Variants in DFFA observed in about 807,000 individuals in gnomAD.
The protein encoded by DFFA is DFF45.
A neutral mutation model predicts 28.0 loss-of-function variants in DFFA; 14 were observed. The observed-to-expected ratio is 0.50, with a 90% CI of 0.33 to 0.78. DFFA has a LOEUF of 0.78. Ranked by LOEUF, DFFA falls within the 30% of genes least tolerant of loss-of-function variation. The pLI, the probability that DFFA is intolerant of heterozygous loss-of-function variation, is 0.02. For missense variants in DFFA, 395 were observed against 407.1 expected, an observed-to-expected ratio of 0.97 and a Z score of 0.26; for synonymous variants, 158 against 170.3, an observed-to-expected ratio of 0.93 and a Z score of 0.56.
rs148645727 is a variant in DFFA at position 10,463,506 on chromosome 1, G to A, written c.556C>T (p.Arg186Cys). The A allele has an allele frequency of 1.4e-4, 221 of 1,614,068 alleles. 1 individual carries two copies. The highest frequency in any genetic ancestry group is 9.8e-4 in the South Asian group (89 of 91,072). Residue 186 changes from arginine to cysteine, a missense_variant, in exon 4 of 6, where the codon CGT (arginine) becomes TGT (cysteine). Coordinates refer to ENST00000377038, the MANE Select transcript of DFFA (RefSeq NM_004401.3). ...QQVLDQREEV[R>C]QSKQLLQLYL... Reference sequence around the variant, plus strand: ...AGCTGCAGGAGCTGCTTGGACTGACGCACTTCCTCTCTTTGGTCAAGCACC... The same window carrying A: ...AGCTGCAGGAGCTGCTTGGACTGACACACTTCCTCTCTTTGGTCAAGCACC...
In DFFA at chr1:10,467,251, A is replaced by T. The variant is rs752249326; in HGVS notation, c.380T>A (p.Val127Glu). The T allele has an allele frequency of 6.2e-7, 1 of 1,614,136 alleles. No individual in the cohort carries two copies. The highest frequency in any genetic ancestry group is 1.1e-5 in the South Asian group (1 of 91,086). ...CAGATCTTCTTTCAGCTGCCTGGCC[A>T]CATTCTTCCACTTCAACCCTGCCCC... ...DSGAGLKWKNVARQLKEDLSS... is the reference protein window; with the variant it reads ...DSGAGLKWKNEARQLKEDLSS... Residue 127 changes from valine (V) to glutamate (E), a missense_variant, in exon 3 of 6, where the codon GTG becomes GAG. Transcript: ENST00000377038.
chr1:10,469,964 G>A (rs1286697466), intron 1 of DFFA, among the ~76,000 whole-genome samples: 3 of 150,904 alleles, frequency 2.0e-5, no homozygotes, highest in Admixed American at 1.3e-4. Flanking sequence ...TACAGGCACC[G>A]GCCACCGTGC....
chr1:10,464,302 C>T (rs1336182522), intron 3 of DFFA, among the ~76,000 whole-genome samples: 1 of 151,534 alleles, frequency 6.6e-6, no homozygotes, highest in Non-Finnish European at 1.5e-5. Context: ...CCGTGTTAGC[C>T]AGGATGGTCT....
At chr1:10,469,676 A>G (rs1445454285) in intron 1 of DFFA, among the ~76,000 whole-genome samples, 1 of 151,986 alleles carries the variant, frequency 6.6e-6, no homozygotes, top group Admixed American at 6.6e-5. Context: ...GTGCACCACC[A>G]TGTCCGGCTA....
intron 3 of DFFA, among the ~76,000 whole-genome samples, chr1:10,465,914 C>T (rs1226335198): frequency 1.3e-5 from 2 of 151,644 alleles, no homozygotes; most frequent in East Asian, 3.9e-4. Flanking sequence ...GCAATCTGCT[C>T]ACCTTGGCCT....
rs776604487 is a variant in DFFA, at chr1:10,472,412, C to G, written c.47G>C (p.Arg16Pro). Reference sequence around the variant, plus strand: ...GCGCAGCAGACACGGCTTTAGAGTCCGGATCTCGCCAGATTCTGGTACCCC... The same window carrying G: ...GCGCAGCAGACACGGCTTTAGAGTCGGGATCTCGCCAGATTCTGGTACCCC... ...DAGVPESGEI[R>P]TLKPCLLRRN... is the part of the protein sequence containing the mutation. Residue 16 changes from arginine to proline, a missense_variant, in exon 1 of 6, where the codon CGG (arginine) becomes CCG (proline). By Grantham distance (103) the Arg-to-Pro change is moderately radical. Transcript: ENST00000377038. This position sits in a 1 kb window ranked among gnomAD's most constrained non-coding sequence, Gnocchi z 5.0. 1.2e-6 allele frequency: 2 copies of G among 1,612,252 alleles called. No individual in the cohort carries two copies. The highest frequency in any genetic ancestry group is 2.2e-5 in the South Asian group (2 of 90,814).
Position 10,461,315 on chromosome 1 carries a change from G to C in DFFA, c.*175C>G. ...AAAATTGGCAGAAGTCCTGAAGCTGGTGGGGCTAAAAAAAAAATTGGTGGA... is the reference window on the plus strand; with the variant it reads ...AAAATTGGCAGAAGTCCTGAAGCTGCTGGGGCTAAAAAAAAAATTGGTGGA... On this transcript the variant is annotated 3_prime_UTR_variant, in exon 6 of 6. Transcript: ENST00000377038. 10 of 1,048,770 alleles carry C rather than the reference G, an allele frequency of 9.5e-6. No homozygotes were observed. Among genetic ancestry groups the C allele is most frequent in the Non-Finnish European group, 1.3e-5 (10 of 750,522 alleles). 65.0% of individuals were successfully genotyped at this position (1,048,770 alleles called of 1,614,324 possible).
Position 10,469,344 on chromosome 1 carries a change from A to G in DFFA, c.137-6T>C. 1 of 1,612,666 alleles carries G rather than the reference A, an allele frequency of 6.2e-7. No individual in the cohort carries two copies. The highest frequency in any genetic ancestry group is 8.5e-7 in the Non-Finnish European group (1 of 1,179,556). On this transcript the variant is annotated splice_region_variant and splice_polypyrimidine_tract_variant and intron_variant, in intron 1 of 5. Transcript: ENST00000377038. ...AATGGCCAGAATGTCACAGGCTGAA[A>G]AGAATAAAATATTTGGCAAATGACA...
chr1:10,463,516 T>C lies in DFFA; in HGVS notation c.546A>G (p.Arg182=). 1 of 1,614,148 alleles carries C rather than the reference T, an allele frequency of 6.2e-7. No individual in the cohort carries two copies. The highest frequency in any genetic ancestry group is 8.5e-7 in the Non-Finnish European group (1 of 1,180,036). ...GCTGCTTGGACTGACGCACTTCCTC[T>C]CTTTGGTCAAGCACCTGTTGGAGTG... ...QHTLQQVLDQ[R]EEVRQSKQLL... The change falls in exon 4 of 6, where the codon AGA becomes AGG. Residue 182 remains arginine (R), a synonymous_variant. Transcript: ENST00000377038.
At position 10,472,189 on chromosome 1, in the gene DFFA, A is replaced by AC; in HGVS notation, c.136+133dup. 1 of 1,122,082 alleles carries AC rather than the reference A, an allele frequency of 8.9e-7. No individual in the cohort carries two copies. The allele number at this position is 1,122,082 out of a possible 1,614,324, so 69.5% of individuals were successfully genotyped here. ...TCTGTAAATCGCTATGCCCACTCGGACCGTTTCTGTCCCAAGCCTCCACCC... is the reference window on the plus strand; with the variant it reads ...TCTGTAAATCGCTATGCCCACTCGGACCCGTTTCTGTCCCAAGCCTCCACCC... On this transcript the variant is annotated intron_variant, in intron 1 of 5. Transcript: ENST00000377038. This position sits in a 1 kb window ranked among gnomAD's most constrained non-coding sequence, Gnocchi z 5.0.
intron 5 of DFFA, chr1:10,461,921 C>A (rs990602873): frequency 2.2e-6 from 2 of 928,912 alleles, no homozygotes; most frequent in African/African-American, 3.6e-5. Flanking sequence ...GTGACACTAT[C>A]TCGGCTCCCT....
chr1:10,461,366 G>A lies in DFFA; in HGVS notation c.*124C>T, dbSNP rs1271659976. 1.5e-5 allele frequency: 21 copies of A among 1,433,476 alleles called. No homozygotes were observed. Among genetic ancestry groups the A allele is most frequent in the Middle Eastern group, 2.2e-4 (1 of 4,510 alleles). 88.8% of individuals were successfully genotyped at this position (1,433,476 alleles called of 1,614,324 possible). A position where few individuals can be genotyped will look rare whatever the true frequency, so the allele number is the denominator to read the frequency against. On this transcript the variant is annotated 3_prime_UTR_variant, in exon 6 of 6. Coordinates refer to ENST00000377038, the MANE Select transcript of DFFA (RefSeq NM_004401.3). The stretch of plus-strand genomic sequence containing the variant: ...ACGGCGTATGTTGAGACCTGGAATA[G>A]CTTCTCTGGAAGGTGCTCTAAGGCA...
At chr1:10,471,952 C>T (rs1263182182) in intron 1 of DFFA, among the ~76,000 whole-genome samples, 2 of 152,156 alleles carry the variant, frequency 1.3e-5, no homozygotes, top group East Asian at 3.8e-4. Flanking sequence ...GGAAACCCCT[C>T]CCCACACCGC....
At chr1:10,462,958 C>A in intron 5 of DFFA, 100 bp downstream of exon 5, 1 of 1,568,562 alleles carries the variant, frequency 6.4e-7, no homozygotes. Flanking sequence ...GATTCACAGT[C>A]TGCAGAGGTG....
intron 5 of DFFA, chr1:10,462,807 A>G: frequency 7.4e-7 from 1 of 1,352,760 alleles, no homozygotes; most frequent in East Asian, 2.9e-5. Context: ...TGTCAGGAAC[A>G]GTCATTTCAT....
chr1:10,472,505 C>G lies in DFFA; in HGVS notation c.-47G>C. Reference sequence around the variant, plus strand: ...CCACCTTCGAGAAGTCGCGGGAGGCCGGAGCGGCGGTCCTTCTACTCGACC... The same window carrying G: ...CCACCTTCGAGAAGTCGCGGGAGGCGGGAGCGGCGGTCCTTCTACTCGACC... On this transcript the variant is annotated 5_prime_UTR_variant, in exon 1 of 6. Coordinates refer to ENST00000377038, the MANE Select transcript of DFFA (RefSeq NM_004401.3). This position sits in a 1 kb window ranked among gnomAD's most constrained non-coding sequence, Gnocchi z 5.0. 6.5e-7 allele frequency: 1 copy of G among 1,545,756 alleles called. No individual in the cohort carries two copies. Among genetic ancestry groups the G allele is most frequent in the South Asian group, 1.2e-5 (1 of 84,978 alleles).
chr1:10,464,383 T>G (rs1416073295), intron 3 of DFFA, among the ~76,000 whole-genome samples: 1 of 152,054 alleles, frequency 6.6e-6, no homozygotes, highest in Non-Finnish European at 1.5e-5. Context: ...TGAGCCACCG[T>G]GCCCGGCCAA....
Position 10,461,164 on chromosome 1 carries a change from C to A in DFFA, c.*326G>T. The A allele has an allele frequency of 4.5e-6, 1 of 220,454 alleles. No individual in the cohort carries two copies. The highest frequency in any genetic ancestry group is 9.4e-5 in the South Asian group (1 of 10,646). The allele number at this position is 220,454 out of a possible 1,614,324, so 13.7% of individuals were successfully genotyped here. ...TGACTTCACGATCCGCCCCCCTCGG[C>A]CTCCCAGTGCTGGGATTACAGGCGT... is the stretch of plus-strand genomic sequence containing the variant. On this transcript the variant is annotated 3_prime_UTR_variant, in exon 6 of 6. Coordinates refer to ENST00000377038, the MANE Select transcript of DFFA (RefSeq NM_004401.3).
In DFFA at chr1:10,459,147, C is replaced by G. The variant is rs1044117059; in HGVS notation, c.*2343G>C. The G allele has an allele frequency of 4.6e-5, 7 of 152,262 alleles. No individual in the cohort carries two copies. Among genetic ancestry groups the G allele is most frequent in the African/African-American group, 1.4e-4 (6 of 41,458 alleles). 9.4% of individuals were successfully genotyped at this position (152,262 alleles called of 1,614,324 possible). ...GGGATTACAGGTGTGAGCCACTGCG[C>G]CCGGCCTATTGTGATATTTCTTTAC... On this transcript the variant is annotated 3_prime_UTR_variant, in exon 6 of 6. Coordinates refer to ENST00000377038, the MANE Select transcript of DFFA (RefSeq NM_004401.3).
Sources: allele counts gnomAD v4.1 joint callset (sites outside exome capture counted in the v4.1 genomes callset), GRCh38; gene constraint gnomAD v4.1.1; non-coding constraint Gnocchi (gnomAD v3.1); transcripts MANE v1.5; gene names NCBI Gene and HGNC (gene_info 2026-07-23, HGNC 2026-07-21).